DTNA: variants seen among roughly 807,000 people sequenced by gnomAD.
The protein encoded by DTNA is dystrobrevin alpha, also known as dystrophin-related protein 3.
A neutral mutation model predicts 100.7 loss-of-function variants in DTNA; 43 were observed. That is an observed-to-expected ratio of 0.43 (90% confidence interval 0.33 to 0.55). The LOEUF is 0.55. DTNA is among the 20% of genes least tolerant of loss of function. The pLI, the probability that DTNA is intolerant of heterozygous loss-of-function variation, is 0.04. For synonymous variants in DTNA, 349 were observed against 347.9 expected (o/e 1.00, Z -0.04); for missense variants, 798 against 953.9 (o/e 0.84, Z 2.15).
Position 34,888,047 on chromosome 18 carries a change from C to T in DTNA, c.*313C>T, listed in dbSNP as rs2096938544. 4.1e-6 allele frequency: 4 copies of T among 985,788 alleles called. No individual in the cohort carries two copies. Among genetic ancestry groups the T allele is most frequent in the African/African-American group, 1.7e-5 (1 of 57,242 alleles). The allele number at this position is 985,788 out of a possible 1,614,324, so 61.1% of individuals were successfully genotyped here. The stretch of plus-strand genomic sequence containing the variant: ...AAAGTTAACTTATCAGCTACATCCT[C>T]TGTAACGTGGTTCATCCCTGGTTAA... On this transcript the variant is annotated 3_prime_UTR_variant, in exon 23 of 23. Transcript: ENST00000444659.
chr18:34,681,488 C>T (rs181990542), intron 1 of DTNA, among the ~76,000 whole-genome samples: 12 of 152,216 alleles, frequency 7.9e-5, no homozygotes, highest in African/African-American at 7.2e-5. Flanking sequence ...GTCCTGCTCA[C>T]GTGAGCTTCC....
intron 4 of DTNA, among the ~76,000 whole-genome samples, chr18:34,801,573 C>T (rs912512366): frequency 1.3e-5 from 2 of 149,506 alleles, no homozygotes; most frequent in Non-Finnish European, 3.0e-5. Context: ...TGCAGTGGCG[C>T]GATCTTGGCT....
chr18:34,866,246 A>C, intron 17 of DTNA: 1 of 1,600,308 alleles, frequency 6.2e-7, no homozygotes, highest in Non-Finnish European at 8.5e-7. Flanking sequence ...GGAAAGAGAA[A>C]AAAGTCATAC....
chr18:34,692,400 A>G (rs1195331688), intron 1 of DTNA, among the ~76,000 whole-genome samples: 1 of 152,172 alleles, frequency 6.6e-6, no homozygotes, highest in East Asian at 1.9e-4. Flanking sequence ...GAGAAAAAAA[A>G]CTAGGGTTCC....
At chr18:34,728,204 TA>T (rs2087199260) in intron 1 of DTNA, among the ~76,000 whole-genome samples, 1 of 152,194 alleles carries the variant, frequency 6.6e-6, no homozygotes, top group African/African-American at 2.4e-5. Context: ...GTATGGTTTT[TA>T]TCTTCTTTTG....
At chr18:34,810,745 G>T (rs1388446876) in intron 5 of DTNA, among the ~76,000 whole-genome samples, 1 of 152,084 alleles carries the variant, frequency 6.6e-6, no homozygotes, top group Non-Finnish European at 1.5e-5. Flanking sequence ...TGAAGGTAAC[G>T]CCCATTATCC....
intron 1 of DTNA, among the ~76,000 whole-genome samples, chr18:34,496,227 C>T (rs1396883881): frequency 6.6e-6 from 1 of 151,794 alleles, no homozygotes; most frequent in Non-Finnish European, 1.5e-5. Context: ...CACACACACA[C>T]ACACACACAC....
At chr18:34,618,637 G>A (rs2055821940) in intron 1 of DTNA, among the ~76,000 whole-genome samples, 1 of 152,054 alleles carries the variant, frequency 6.6e-6, no homozygotes, top group Admixed American at 6.6e-5. Flanking sequence ...GTTTTTAAGG[G>A]CTTTGTGTTG....
At chr18:34,780,850 A>G (rs933296258) in intron 3 of DTNA, among the ~76,000 whole-genome samples, 1 of 152,222 alleles carries the variant, frequency 6.6e-6, no homozygotes, top group Non-Finnish European at 1.5e-5. Flanking sequence ...AGGAATTTCC[A>G]AGAAACCTTG....
intron 1 of DTNA, among the ~76,000 whole-genome samples, chr18:34,649,106 C>CAG (rs2060163663): frequency 6.6e-6 from 1 of 152,110 alleles, no homozygotes; most frequent in East Asian, 1.9e-4. Context: ...ACACTGTGTA[C>CAG]AGAAGGCTGG....
intron 1 of DTNA, among the ~76,000 whole-genome samples, chr18:34,713,470 C>G (rs1568290038): frequency 6.6e-6 from 1 of 152,054 alleles, no homozygotes; most frequent in Non-Finnish European, 1.5e-5. Flanking sequence ...TCTGAGGGCT[C>G]TGTTCTGTTC....
At chr18:34,608,372 T>C (rs1036672854) in intron 1 of DTNA, among the ~76,000 whole-genome samples, 2 of 152,200 alleles carry the variant, frequency 1.3e-5, no homozygotes, top group African/African-American at 4.8e-5. Context: ...ATATCCTTTA[T>C]TCAAATAAAC....
intron 6 of DTNA, among the ~76,000 whole-genome samples, chr18:34,814,887 A>G (rs564593769): frequency 6.6e-6 from 1 of 152,320 alleles, no homozygotes; most frequent in Non-Finnish European, 1.5e-5. Flanking sequence ...GCTTTTTAGC[A>G]AGTATGACAA....
At chr18:34,744,137 T>C (rs538813652) in intron 1 of DTNA, among the ~76,000 whole-genome samples, 6 of 152,198 alleles carry the variant, frequency 3.9e-5, no homozygotes, top group African/African-American at 1.4e-4. Flanking sequence ...GGAAATTTGC[T>C]TTATTAATGA....
intron 1 of DTNA, among the ~76,000 whole-genome samples, chr18:34,566,460 T>G (rs974476652): frequency 6.6e-6 from 1 of 152,160 alleles, no homozygotes; most frequent in Non-Finnish European, 1.5e-5. Flanking sequence ...ACAAAGAAAT[T>G]AAACCAATAC....
At chr18:34,664,061 T>C (rs1449543853) in intron 1 of DTNA, among the ~76,000 whole-genome samples, 1 of 152,146 alleles carries the variant, frequency 6.6e-6, no homozygotes, top group Non-Finnish European at 1.5e-5. Flanking sequence ...CTTGTTGAAT[T>C]TCACTGTTGT....
rs1312476071 is a variant in DTNA, at chr18:34,879,594, A to T, written c.2037A>T (p.Ala679=). The T allele has an allele frequency of 1.9e-6, 3 of 1,614,056 alleles. No homozygotes were observed. The Admixed American group carries it at 5.0e-5, about 27-fold the overall frequency. ...ETESNVDSEF[A]RTQFEDLVPS... is the part of the protein sequence containing the mutation. ...AGAGTAATGTGGATTCTGAATTTGC[A>T]CGGACTCAGTTTGAGGATCTTGTTC... is the stretch of plus-strand genomic sequence containing the variant. The change falls in exon 20 of 23, where the codon GCA becomes GCT. Residue 679 remains alanine (A), a synonymous_variant. Coordinates refer to ENST00000444659, the MANE Select transcript of DTNA (RefSeq NM_001386795.1).
intron 1 of DTNA, among the ~76,000 whole-genome samples, chr18:34,601,454 G>A (rs1447314314): frequency 6.6e-6 from 1 of 152,132 alleles, no homozygotes; most frequent in Non-Finnish European, 1.5e-5. Flanking sequence ...TCCAGTGTCT[G>A]AGCCCAGCGT....
At chr18:34,628,662 T>C (rs2057666325) in intron 1 of DTNA, among the ~76,000 whole-genome samples, 1 of 152,236 alleles carries the variant, frequency 6.6e-6, no homozygotes, top group Admixed American at 6.5e-5. Flanking sequence ...TTTGTTGTAA[T>C]TGTCAAGTTT....
Sources: gnomAD v4.1 joint callset for allele counts (sites outside exome capture counted in the v4.1 genomes callset) on GRCh38, gnomAD v4.1.1 for gene constraint, MANE v1.5 for transcripts, NCBI Gene and HGNC (gene_info 2026-07-23, HGNC 2026-07-21) for gene names.